Variants in CPT1B observed in about 807,000 individuals in gnomAD.
The protein encoded by CPT1B is carnitine palmitoyltransferase 1B.
A neutral mutation model predicts 92.7 loss-of-function variants in CPT1B; 57 were observed. The ratio of observed to expected loss-of-function variants is 0.62; its 90% CI spans 0.50 to 0.77. The LOEUF (loss-of-function observed/expected upper bound fraction) is 0.77. Among genes scored for constraint, CPT1B ranks in the 30% least tolerant of loss-of-function variants. CPT1B has a pLI of 0.00. For missense variants in CPT1B, 983 were observed against 1,017.4 expected (o/e 0.97, Z 0.46); for synonymous variants, 398 against 383.5 (o/e 1.04, Z -0.44).
chr22:50,574,497 T>C lies in CPT1B; in HGVS notation c.881A>G (p.Lys294Arg). 1.2e-6 allele frequency: 2 copies of C among 1,614,170 alleles called. No homozygotes were observed. Among genetic ancestry groups the C allele is most frequent in the Middle Eastern group, 3.3e-4 (2 of 6,062 alleles). ...YRRKLDREEI[K>R]PVMALGIVPM... ...TTCAACCCTGACGCAACTCACAGGC[T>C]TGATTTCTTCACGGTCCAGTTTACG... The change falls in exon 8 of 20, where the codon AAG becomes AGG. Residue 294 changes from lysine to arginine, a missense_variant. Physicochemically the swap from Lys to Arg is conservative, Grantham distance 26. Transcript: ENST00000312108.
At position 50,570,945 on chromosome 22, in the gene CPT1B, G is replaced by A. The variant is rs773239962; in HGVS notation, c.1974C>T (p.Phe658=). Residue 658 remains phenylalanine, a synonymous_variant, in exon 16 of 20, where the codon TTC becomes TTT. Transcript: ENST00000312108. ...GGTACTTGGAGACCAAGTAAAGGCA[G>A]AAGAGGTGCCTGTCGATCCCTGCCC... ...MTGAGIDRHL[F]CLYLVSKYLG... is the part of the protein sequence containing the mutation. 1 of 1,613,984 alleles carries A rather than the reference G, an allele frequency of 6.2e-7. No homozygotes were observed. Among genetic ancestry groups the A allele is most frequent in the Non-Finnish European group, 8.5e-7 (1 of 1,180,042 alleles).
In CPT1B at chr22:50,573,092, C is replaced by T. The variant is rs371437976; in HGVS notation, c.1167-32G>A. The T allele has an allele frequency of 2.3e-5, 36 of 1,565,094 alleles. No homozygotes were observed. Among genetic ancestry groups the T allele is most frequent in the Middle Eastern group, 2.1e-4 (1 of 4,854 alleles). On this transcript the variant is annotated intron_variant, in intron 10 of 19. Coordinates refer to ENST00000312108, the MANE Select transcript of CPT1B (RefSeq NM_152246.3). The surrounding 1 kb of genome is among the most constrained non-coding windows in gnomAD (Gnocchi z 5.0). ...CATGGGGCAGGGTAAGCAGTGGGCA[C>T]GTGGACTTGGGATGAGGGTGCCTCT...
Position 50,573,502 on chromosome 22 carries a change from C to T in CPT1B, c.1166+18G>A. ...CCTGAACTCAGGGTGGGGACAGTCC[C>T]TTCCTAGAGGCCAATACCTTCCTCC... On this transcript the variant is annotated intron_variant, in intron 10 of 19. Coordinates refer to ENST00000312108, the MANE Select transcript of CPT1B (RefSeq NM_152246.3). This position sits in a 1 kb window ranked among gnomAD's most constrained non-coding sequence, Gnocchi z 5.0. The T allele has an allele frequency of 1.9e-6, 3 of 1,590,376 alleles. No homozygotes were observed. The highest frequency in any genetic ancestry group is 2.6e-6 in the Non-Finnish European group (3 of 1,166,104).
Position 50,577,477 on chromosome 22 carries a change from C to A in CPT1B, c.142-14G>T. ...GAGGATGCCATTCTGTGGGCAGAAA[C>A]AGGCGCCCTTATGGAGCCGGAAGGC... On this transcript the variant is annotated splice_polypyrimidine_tract_variant and intron_variant, in intron 2 of 19. Transcript: ENST00000312108. 1 of 1,613,144 alleles carries A rather than the reference C, an allele frequency of 6.2e-7. No individual in the cohort carries two copies. Among genetic ancestry groups the A allele is most frequent in the Non-Finnish European group, 8.5e-7 (1 of 1,179,780 alleles).
Position 50,577,878 on chromosome 22 carries a change from G to A in CPT1B, c.38C>T (p.Thr13Met), listed in dbSNP as rs753278512. Residue 13 changes from threonine to methionine, a missense_variant, in exon 2 of 20, where the codon ACG (threonine) becomes ATG (methionine). Thr to Met is a moderately conservative substitution (Grantham distance 81). Transcript: ENST00000312108. ...GAAGTCGACCCCGTCTGGGGTCACC[G>A]TGAACTGGAAGGCCACGGCCTGGTG... is the stretch of plus-strand genomic sequence containing the variant. ...EAHQAVAFQF[T>M]VTPDGVDFRL... The A allele has an allele frequency of 2.5e-6, 4 of 1,613,136 alleles. No individual in the cohort carries two copies. The highest frequency in any genetic ancestry group is 3.4e-6 in the Non-Finnish European group (4 of 1,179,604).
rs769269133 is a variant in CPT1B, at chr22:50,569,618, C to T, written c.2193G>A (p.Thr731=). The change falls in exon 18 of 20, where the codon ACG becomes ACA. Residue 731 remains threonine (T), a synonymous_variant. Coordinates refer to ENST00000312108, the MANE Select transcript of CPT1B (RefSeq NM_152246.3). ...GVSYMIAGEN[T]IFFHISSKFS... is the part of the protein sequence containing the mutation. ...ACTTGCTGGAGATGTGGAAGAAGAT[C>T]GTGTTCTCGCCTGCAATCATGTAGG... 8.1e-6 allele frequency: 13 copies of T among 1,614,012 alleles called. No homozygotes were observed. In the East Asian group the frequency reaches 1.1e-4, roughly 14 times the overall value.
Position 50,577,851 on chromosome 22 carries a change from C to T in CPT1B, c.65G>A (p.Arg22Gln), listed in dbSNP as rs770760676. 1.2e-6 allele frequency: 2 copies of T among 1,613,728 alleles called. No individual in the cohort carries two copies. Among genetic ancestry groups the T allele is most frequent in the South Asian group, 1.1e-5 (1 of 91,090 alleles). The stretch of plus-strand genomic sequence containing the variant: ...GTGTTTCAGGGCCTCCCGACTGAGC[C>T]GGAAGTCGACCCCGTCTGGGGTCAC... ...FTVTPDGVDF[R>Q]LSREALKHVY... The change falls in exon 2 of 20, where the codon CGG becomes CAG. Residue 22 changes from arginine to glutamine, a missense_variant. Coordinates refer to ENST00000312108, the MANE Select transcript of CPT1B (RefSeq NM_152246.3).
intron 16 of CPT1B, 76 bp from the exon 17 acceptor site, chr22:50,570,482 T>G (rs2070112426): frequency 8.4e-7 from 1 of 1,189,968 alleles, no homozygotes; most frequent in Non-Finnish European, 1.2e-6. Context: ...TGCGACCTAC[T>G]CTGAGCCAGA....
chr22:50,571,623 C>T (rs2516557), intron 13 of CPT1B, 84 bp from the exon 14 acceptor site: 85,825 of 1,475,634 alleles, frequency 0.058, 2,869 homozygotes, highest in Non-Finnish European at 0.064. Context: ...TGACGTTTAG[C>T]TGGTGGAGAA....
intron 17 of CPT1B, among the ~76,000 whole-genome samples, chr22:50,569,973 G>A (rs961720225): frequency 6.6e-6 from 1 of 152,192 alleles, no homozygotes; most frequent in Non-Finnish European, 1.5e-5. Context: ...TTCTGTGGGA[G>A]ACAGCTGCAC....
rs773624532 is a variant in CPT1B at position 50,570,383 on chromosome 22, G to A, written c.2052C>T (p.Leu684=). ...GGGATTGGGGGATCTGGCTGGTGGA[G>A]AGACGCCAGGGTTCCGAGAGCACCT... ...LAEVLSEPWR[L]STSQIPQSQI... Residue 684 remains leucine (L), a synonymous_variant, in exon 17 of 20, where the codon CTC becomes CTT. Coordinates refer to ENST00000312108, the MANE Select transcript of CPT1B (RefSeq NM_152246.3). The A allele has an allele frequency of 1.9e-6, 3 of 1,604,556 alleles. No homozygotes were observed. The highest frequency in any genetic ancestry group is 2.7e-5 in the African/African-American group (2 of 74,704).
rs373379091 is a variant in CPT1B at position 50,576,242 on chromosome 22, G to T, written c.655C>A (p.Leu219Met). 45 of 1,614,006 alleles carry T rather than the reference G, an allele frequency of 2.8e-5. No homozygotes were observed. Among genetic ancestry groups the T allele is most frequent in the Non-Finnish European group, 3.5e-5 (41 of 1,180,040 alleles). Residue 219 changes from leucine (L) to methionine (M), a missense_variant, in exon 6 of 20, where the codon CTG becomes ATG. By Grantham distance (15) the Leu-to-Met change is conservative. Coordinates refer to ENST00000312108, the MANE Select transcript of CPT1B (RefSeq NM_152246.3). Reference protein sequence around the residue: ...KEFQDKTAPRLQKYLVLKSWW... With the variant: ...KEFQDKTAPRMQKYLVLKSWW... The stretch of plus-strand genomic sequence containing the variant: ...GACTTGAGCACCAGGTATTTCTGCA[G>T]CCTGGGGGCAGTCTTGTCCTGGAAT...
rs201454560 is a variant in CPT1B, at chr22:50,573,029, A to G, written c.1198T>C (p.Phe400Leu). 6.8e-6 allele frequency: 11 copies of G among 1,608,170 alleles called. No homozygotes were observed. The highest frequency in any genetic ancestry group is 1.3e-5 in the African/African-American group (1 of 74,808). Reference protein sequence around the residue: ...VEWAQARQAFFSSGKNKAALE... With the variant: ...VEWAQARQAFLSSGKNKAALE... Reference sequence around the variant, plus strand: ...GCAGCCTTATTCTTTCCAGAGCTAAAGAAGGCCTGGCGTGCCTGCGCCCAC... The same window carrying G: ...GCAGCCTTATTCTTTCCAGAGCTAAGGAAGGCCTGGCGTGCCTGCGCCCAC... Residue 400 changes from phenylalanine to leucine, a missense_variant, in exon 11 of 20, where the codon TTT (phenylalanine) becomes CTT (leucine). Physicochemically the swap from Phe to Leu is conservative, Grantham distance 22 (BLOSUM62 0). Coordinates refer to ENST00000312108, the MANE Select transcript of CPT1B (RefSeq NM_152246.3). This position sits in a 1 kb window ranked among gnomAD's most constrained non-coding sequence, Gnocchi z 5.0.
At chr22:50,569,692 G>C (rs12160714) in intron 17 of CPT1B, 24 bp from the exon 18 acceptor site, 3 of 1,581,338 alleles carry the variant, frequency 1.9e-6, no homozygotes, top group Admixed American at 3.3e-5. Flanking sequence ...GAAGGGTGAA[G>C]AAGGCATAAA....
chr22:50,572,167 A>G, intron 12 of CPT1B, 36 bp downstream of exon 12: 1 of 1,611,762 alleles, frequency 6.2e-7, no homozygotes, highest in Non-Finnish European at 8.5e-7. Context: ...CATCCCCTAC[A>G]GCCTGCCCTG....
intron 17 of CPT1B, 64 bp from the exon 18 acceptor site, chr22:50,569,732 G>T: frequency 7.4e-7 from 1 of 1,351,074 alleles, no homozygotes; most frequent in Non-Finnish European, 1.1e-6. Flanking sequence ...AAGCCAAGCT[G>T]ATATTGTACT....
chr22:50,574,770 G>A lies in CPT1B; in HGVS notation c.778-170C>T, dbSNP rs1414800430. Reference sequence around the variant, plus strand: ...CTCCAGAAATGCACAACTGATCGCAGTAACCCTCTGCTCCAGCTTCAGCCT... The same window carrying A: ...CTCCAGAAATGCACAACTGATCGCAATAACCCTCTGCTCCAGCTTCAGCCT... On this transcript the variant is annotated intron_variant, in intron 7 of 19. Coordinates refer to ENST00000312108, the MANE Select transcript of CPT1B (RefSeq NM_152246.3). 5.0e-6 allele frequency: 3 copies of A among 605,904 alleles called. No homozygotes were observed. In the African/African-American group the frequency reaches 5.5e-5, roughly 11 times the overall value. 37.5% of individuals were successfully genotyped at this position (605,904 alleles called of 1,614,324 possible).
intron 7 of CPT1B, among the ~76,000 whole-genome samples, chr22:50,575,566 T>G (rs549979520): frequency 6.6e-6 from 1 of 152,116 alleles, no homozygotes; most frequent in East Asian, 1.9e-4. Context: ...GAAGGGCCAG[T>G]TACATGGGGC....
chr22:50,573,581 C>T lies in CPT1B; in HGVS notation c.1105G>A (p.Asp369Asn), dbSNP rs1157383003. Residue 369 changes from aspartate to asparagine, a missense_variant, in exon 10 of 20, where the codon GAC becomes AAC. By Grantham distance (23) the Asp-to-Asn change is conservative (BLOSUM62 1). Coordinates refer to ENST00000312108, the MANE Select transcript of CPT1B (RefSeq NM_152246.3). The surrounding 1 kb of genome is among the most constrained non-coding windows in gnomAD (Gnocchi z 5.0). ...DLEMQFQRIL[D>N]DPSPPQPGEE... ...CCAGGCTGAGGTGGGGAGGGGTCGTCCAGGATCCTCTGGAACTGCATCTCC... is the reference window on the plus strand; with the variant it reads ...CCAGGCTGAGGTGGGGAGGGGTCGTTCAGGATCCTCTGGAACTGCATCTCC... The T allele has an allele frequency of 3.1e-6, 5 of 1,613,702 alleles. No individual in the cohort carries two copies. Among genetic ancestry groups the T allele is most frequent in the Non-Finnish European group, 3.4e-6 (4 of 1,179,958 alleles).
Sources: allele counts gnomAD v4.1 joint callset (sites outside exome capture counted in the v4.1 genomes callset), GRCh38; gene constraint gnomAD v4.1.1; non-coding constraint Gnocchi (gnomAD v3.1); transcripts MANE v1.5; gene names NCBI Gene and HGNC (gene_info 2026-07-23, HGNC 2026-07-21).